The following CCDC28B variants were observed in gnomAD, a reference collection of about 807,000 sequenced individuals.
The protein encoded by CCDC28B is coiled-coil domain containing 28B.
CCDC28B carries 17 observed loss-of-function variants against 18.7 expected under a neutral mutation model. That is an observed-to-expected ratio of 0.91 (90% confidence interval 0.62 to 1.36). CCDC28B has a LOEUF of 1.36. Among genes scored for constraint, CCDC28B ranks in the 40% most tolerant of loss-of-function variants. CCDC28B has a pLI of 0.00. For missense variants in CCDC28B, 213 were observed against 251.7 expected, an observed-to-expected ratio of 0.85 and a Z score of 1.04; for synonymous variants, 116 against 105.1, an observed-to-expected ratio of 1.10 and a Z score of -0.64.
At chr1:32,202,310 G>C (rs920806191) in intron 2 of CCDC28B, 2 of 705,714 alleles carry the variant, frequency 2.8e-6, no homozygotes, top group Non-Finnish European at 5.1e-6. Flanking sequence ...ATCACATAGC[G>C]TGAGGATTCG....
Position 32,205,079 on chromosome 1 carries a change from C to A in CCDC28B, c.549-115C>A. The A allele has an allele frequency of 7.5e-7, 1 of 1,341,270 alleles. No homozygotes were observed. Among genetic ancestry groups the A allele is most frequent in the Non-Finnish European group, 1.0e-6 (1 of 978,234 alleles). 83.1% of individuals were successfully genotyped at this position (1,341,270 alleles called of 1,614,324 possible). A position where few individuals can be genotyped will look rare whatever the true frequency, so the allele number is the denominator to read the frequency against. On this transcript the variant is annotated intron_variant, in intron 5 of 5. Coordinates refer to ENST00000373602, the MANE Select transcript of CCDC28B (RefSeq NM_024296.5). This position sits in a 1 kb window ranked among gnomAD's most constrained non-coding sequence, Gnocchi z 5.6. ...CTGCAACCTCAGTCCACAGACGGCC[C>A]GAGACCCTCGTCCCCGGCCCTTTGC...
In CCDC28B at chr1:32,204,363, A is replaced by C; in HGVS notation, c.509A>C (p.Asp170Ala). The C allele has an allele frequency of 6.3e-7, 1 of 1,583,970 alleles. No homozygotes were observed. Among genetic ancestry groups the C allele is most frequent in the East Asian group, 2.2e-5 (1 of 44,672 alleles). The change falls in exon 4 of 6, where the codon GAC becomes GCC. Residue 170 changes from aspartate to alanine, a missense_variant. By Grantham distance (126) the Asp-to-Ala change is moderately radical. Transcript: ENST00000373602. ...QKKTMADRNLDQLLSNLEDLS... is the reference protein window; with the variant it reads ...QKKTMADRNLAQLLSNLEDLS... ...AAGACAATGGCTGACCGTAACCTGGACCAGCTGCTTAGCAATGTGGGTTCA... is the reference window on the plus strand; with the variant it reads ...AAGACAATGGCTGACCGTAACCTGGCCCAGCTGCTTAGCAATGTGGGTTCA...
chr1:32,198,762 A>G (rs1643081564), upstream of CCDC28B, among the ~76,000 whole-genome samples: 2 of 151,992 alleles, frequency 1.3e-5, no homozygotes, highest in Admixed American at 1.3e-4. Context: ...GGACTGGGAG[A>G]GGGGGTGAGG....
At position 32,201,946 on chromosome 1, in the gene CCDC28B, A is replaced by G; in HGVS notation, c.11A>G (p.Lys4Arg). Residue 4 changes from lysine to arginine, a missense_variant, in exon 2 of 6, where the codon AAA (lysine) becomes AGA (arginine). Lys to Arg is a conservative substitution (Grantham distance 26). Coordinates refer to ENST00000373602, the MANE Select transcript of CCDC28B (RefSeq NM_024296.5). MDD[K>R]KKKRSPKPCL... is the part of the protein sequence containing the mutation. ...CCCAGCCAGCGCCCAATGGATGACA[A>G]AAAGAAGAAACGGAGTCCCAAGCCC... is the stretch of plus-strand genomic sequence containing the variant. 6.2e-7 allele frequency: 1 copy of G among 1,601,100 alleles called. No homozygotes were observed. The highest frequency in any genetic ancestry group is 1.1e-5 in the South Asian group (1 of 89,674).
At chr1:32,201,454 T>C (rs1263010638) in intron 1 of CCDC28B, among the ~76,000 whole-genome samples, 2 of 152,110 alleles carry the variant, frequency 1.3e-5, no homozygotes, top group African/African-American at 2.4e-5. Flanking sequence ...CGCCCCTACC[T>C]GCACCTTGTC....
At chr1:32,201,205 C>CG (rs1443570342) in intron 1 of CCDC28B, among the ~76,000 whole-genome samples, 2 of 152,210 alleles carry the variant, frequency 1.3e-5, no homozygotes, top group Non-Finnish European at 2.9e-5. Context: ...AGGCAGCCAG[C>CG]GGCCAACCAC....
chr1:32,204,885 C>T (rs752117124), intron 5 of CCDC28B: 64 of 1,504,050 alleles, frequency 4.3e-5, no homozygotes, highest in Non-Finnish European at 5.5e-5. Context: ...AAAGCTTGTC[C>T]GATGTCCTCC....
Position 32,204,258 on chromosome 1 carries a change from G to A in CCDC28B, c.404G>A (p.Ser135Asn). 1 of 1,614,140 alleles carries A rather than the reference G, an allele frequency of 6.2e-7. No homozygotes were observed. The change falls in exon 4 of 6, where the codon AGC (serine) becomes AAC (asparagine). Residue 135 changes from serine to asparagine, a missense_variant. Transcript: ENST00000373602. The stretch of plus-strand genomic sequence containing the variant: ...GAGAAGCTAGCCCGGCTGCACTTCA[G>A]CCTGGATGTGTGTGGGGAGGAGGAG... ...MQEKLARLHF[S>N]LDVCGEEEDD...
intron 5 of CCDC28B, chr1:32,204,845 G>T (rs1484800379): frequency 1.3e-6 from 2 of 1,549,700 alleles, no homozygotes; most frequent in East Asian, 4.9e-5. Flanking sequence ...CAAAATCTTT[G>T]TGAGTACTTT....
chr1:32,196,549 C>T (rs1643029218), upstream of CCDC28B: 2 of 152,240 alleles, frequency 1.3e-5, no homozygotes, highest in Admixed American at 6.5e-5. Flanking sequence ...TACCCCCACT[C>T]CAGTACATAA....
Position 32,204,814 on chromosome 1 carries a change from A to G in CCDC28B, c.548+194A>G, listed in dbSNP as rs1304209123. 1.9e-6 allele frequency: 3 copies of G among 1,576,852 alleles called. No individual in the cohort carries two copies. The African/African-American group carries it at 4.1e-5, about 21-fold the overall frequency. On this transcript the variant is annotated intron_variant, in intron 5 of 5. Transcript: ENST00000373602. The stretch of plus-strand genomic sequence containing the variant: ...CCAAAATTAGAAGAAAAGTGGTTGT[A>G]GGGGATGTTTTACTACTGATCAAAA...
In CCDC28B at chr1:32,204,376, C is replaced by T. The variant is rs1643247581; in HGVS notation, c.522C>T (p.Ser174=). The T allele has an allele frequency of 7.6e-6, 12 of 1,573,524 alleles. No individual in the cohort carries two copies. The highest frequency in any genetic ancestry group is 1.0e-5 in the Non-Finnish European group (12 of 1,159,390). ...MADRNLDQLL[S]NLEDLSNSIQ... is the part of the protein sequence containing the mutation. ...ACCGTAACCTGGACCAGCTGCTTAGCAATGTGGGTTCATGTCTGGGTGCTT... is the reference window on the plus strand; with the variant it reads ...ACCGTAACCTGGACCAGCTGCTTAGTAATGTGGGTTCATGTCTGGGTGCTT... Residue 174 remains serine (S), a synonymous_variant, in exon 4 of 6, where the codon AGC becomes AGT. Transcript: ENST00000373602.
intron 2 of CCDC28B, 102 bp from the exon 3 acceptor site, chr1:32,203,777 C>A: frequency 1.1e-6 from 1 of 902,346 alleles, no homozygotes; most frequent in Non-Finnish European, 1.6e-6. Flanking sequence ...TGAGTTAGTG[C>A]AGATAGACAG....
At chr1:32,198,120 G>A (rs1053304295), upstream of CCDC28B, 2 of 152,310 alleles carry the variant, frequency 1.3e-5, no homozygotes, top group Non-Finnish European at 2.9e-5. Context: ...GGGGAAGGGA[G>A]CTGCCTTCTG....
At chr1:32,200,240 GACTC>G (rs1643119199), upstream of CCDC28B, 2 of 152,732 alleles carry the variant, frequency 1.3e-5, no homozygotes, top group South Asian at 4.1e-4. Context: ...TAGGGCACTG[GACTC>G]ACTCCATTGA....
Position 32,204,272 on chromosome 1 carries a change from G to C in CCDC28B, c.418G>C (p.Gly140Arg). 1 of 1,614,094 alleles carries C rather than the reference G, an allele frequency of 6.2e-7. No homozygotes were observed. Among genetic ancestry groups the C allele is most frequent in the Non-Finnish European group, 8.5e-7 (1 of 1,179,980 alleles). ...GCTGCACTTCAGCCTGGATGTGTGT[G>C]GGGAGGAGGAGGACGATGAAGAGGA... ...ARLHFSLDVC[G>R]EEEDDEEEED... The change falls in exon 4 of 6, where the codon GGG (glycine) becomes CGG (arginine). Residue 140 changes from glycine (G) to arginine (R), a missense_variant. Transcript: ENST00000373602.
upstream of CCDC28B, chr1:32,198,310 T>C (rs571580838): frequency 2.6e-5 from 4 of 152,448 alleles, no homozygotes; most frequent in South Asian, 6.2e-4. Flanking sequence ...GACCTGTGTA[T>C]TCCTTTGTTT....
At chr1:32,202,309 C>T (rs975322282) in intron 2 of CCDC28B, 22 of 705,258 alleles carry the variant, frequency 3.1e-5, no homozygotes, top group East Asian at 1.6e-4. Context: ...GATCACATAG[C>T]GTGAGGATTC....
chr1:32,200,757 T>G (rs1643129970), intron 1 of CCDC28B, 48 bp downstream of exon 1: 1 of 152,092 alleles, frequency 6.6e-6, no homozygotes, highest in East Asian at 1.9e-4. Flanking sequence ...ATGACGCGGG[T>G]CTGACGCTCT....
Sources: allele counts gnomAD v4.1 joint callset (sites outside exome capture counted in the v4.1 genomes callset), GRCh38; gene constraint gnomAD v4.1.1; non-coding constraint Gnocchi (gnomAD v3.1); transcripts MANE v1.5; gene names NCBI Gene and HGNC (gene_info 2026-07-23, HGNC 2026-07-21).